HTR4: variants seen among roughly 807,000 people sequenced by gnomAD.
HTR4 encodes 5-hydroxytryptamine receptor 4, also known as 5-hydroxytryptamine (serotonin) receptor 4, G protein-coupled.
Under a neutral mutation model 36.8 loss-of-function variants are expected in HTR4, and 16 were observed. The ratio of observed to expected loss-of-function variants is 0.43; its 90% CI spans 0.29 to 0.66. The LOEUF (loss-of-function observed/expected upper bound fraction) is 0.66, where lower values mean the gene tolerates loss of function less well. HTR4 is among the 30% of genes least tolerant of loss of function. HTR4 has a pLI of 0.13. For synonymous variants in HTR4, 189 were observed against 185.1 expected (o/e 1.02, Z -0.17); for missense variants, 438 against 490.9 (o/e 0.89, Z 1.02).
At chr5:148,536,994 C>A (rs1400253770) in intron 4 of HTR4, among the ~76,000 whole-genome samples, 2 of 152,142 alleles carry the variant, frequency 1.3e-5, no homozygotes, top group Non-Finnish European at 2.9e-5. Flanking sequence ...GGACATAAAA[C>A]AATCCTCAAC....
At position 148,510,024 on chromosome 5, in the gene HTR4, T is replaced by C. The variant is rs1223285956; in HGVS notation, c.508A>G (p.Ile170Val). Reference sequence around the variant, plus strand: ...TTCTGGTTGAACTTCCTCTTTTCTATCTGAGAGTTGGAGGGAGAGAGGAAA... The same window carrying C: ...TTCTGGTTGAACTTCCTCTTTTCTACCTGAGAGTTGGAGGGAGAGAGGAAA... ...GWNNIGIIDL[I>V]EKRKFNQNSN... Residue 170 changes from isoleucine to valine, a missense_variant and splice_region_variant, in exon 6 of 7, where the codon ATA becomes GTA. By Grantham distance (29) the Ile-to-Val change is conservative. Transcript: ENST00000377888. The C allele has an allele frequency of 1.2e-6, 2 of 1,601,838 alleles. No homozygotes were observed. The highest frequency in any genetic ancestry group is 1.7e-5 in the Admixed American group (1 of 59,374).
At chr5:148,618,390 A>T (rs562409461) in intron 2 of HTR4, among the ~76,000 whole-genome samples, 1 of 152,278 alleles carries the variant, frequency 6.6e-6, no homozygotes. Flanking sequence ...CTCTTCTCCA[A>T]CCAGGCTCAG....
chr5:148,554,377 G>T (rs1361172589), intron 2 of HTR4, among the ~76,000 whole-genome samples: 1 of 152,028 alleles, frequency 6.6e-6, no homozygotes, highest in Non-Finnish European at 1.5e-5. Context: ...GCCCGGCCAG[G>T]AATGAAGTTT....
intron 5 of HTR4, among the ~76,000 whole-genome samples, chr5:148,519,011 A>AT (rs576256377): frequency 6.6e-6 from 1 of 151,860 alleles, no homozygotes; most frequent in South Asian, 2.1e-4. Context: ...ATGAACTGAA[A>AT]TTTTTTTTAC....
chr5:148,505,696 T>C lies in HTR4; in HGVS notation c.1076+3760A>G, dbSNP rs1054080754. On this transcript the variant is annotated intron_variant, in intron 6 of 6. Coordinates refer to ENST00000377888, the MANE Select transcript of HTR4 (RefSeq NM_000870.7). ...AAAGTCTCAGGATACAAAATCAATGTGCAAAAATCACAAGCATTCTTATAC... is the reference window on the plus strand; with the variant it reads ...AAAGTCTCAGGATACAAAATCAATGCGCAAAAATCACAAGCATTCTTATAC... Among the ~76,000 whole-genome samples the C allele has an allele frequency of 1.1e-4, 17 of 152,160 alleles. 1 individual carries two copies. Among genetic ancestry groups the C allele is most frequent in the Admixed American group, 1.1e-3 (17 of 15,280 alleles).
At chr5:148,632,879 T>C (rs1753373693) in intron 2 of HTR4, among the ~76,000 whole-genome samples, 1 of 152,108 alleles carries the variant, frequency 6.6e-6, no homozygotes. Flanking sequence ...GCATTAAGTG[T>C]TTTAGGGCTG....
intron 4 of HTR4, among the ~76,000 whole-genome samples, chr5:148,524,913 A>G (rs1229561517): frequency 1.3e-5 from 2 of 152,146 alleles, no homozygotes; most frequent in Non-Finnish European, 2.9e-5. Context: ...CCCGTGTTGG[A>G]GCACGAGGAG....
chr5:148,590,050 A>G (rs1488384484), intron 2 of HTR4, among the ~76,000 whole-genome samples: 3 of 152,086 alleles, frequency 2.0e-5, no homozygotes, highest in Non-Finnish European at 4.4e-5. Flanking sequence ...CTCTGCTTCT[A>G]TGAGTTTAAC....
chr5:148,638,999 A>T (rs535469693), intron 1 of HTR4, among the ~76,000 whole-genome samples: 140 of 152,156 alleles, frequency 9.2e-4, no homozygotes, highest in African/African-American at 3.1e-3. Flanking sequence ...GTGAGCCAAG[A>T]TCACGCTACT....
At chr5:148,566,221 T>TA (rs1760434161) in intron 2 of HTR4, among the ~76,000 whole-genome samples, 1 of 152,146 alleles carries the variant, frequency 6.6e-6, no homozygotes, top group Non-Finnish European at 1.5e-5. Flanking sequence ...CATCCAAAGT[T>TA]AAAAGCAGGT....
rs529656321 is a variant in HTR4, at chr5:148,597,375, G to A, written c.26+39614C>T. ...CAGGGTCTTTTCCAAAGGGCAGTGA[G>A]GGTAATGTGTTTAAAATGCCATACA... On this transcript the variant is annotated intron_variant, in intron 2 of 6. Transcript: ENST00000377888. 1.3e-3 allele frequency among the ~76,000 whole-genome samples: 194 copies of A among 152,288 alleles called. 2 individuals carry two copies. Among genetic ancestry groups the A allele is most frequent in the East Asian group, 2.3e-3 (12 of 5,186 alleles).
downstream of HTR4, among the ~76,000 whole-genome samples, chr5:148,479,257 G>A (rs1328263836): frequency 3.3e-5 from 5 of 151,870 alleles, no homozygotes; most frequent in Non-Finnish European, 4.4e-5. Flanking sequence ...CTAGGGGCCC[G>A]GGGCTACTAG....
chr5:148,485,846 G>C (rs1019777272), intron 6 of HTR4, among the ~76,000 whole-genome samples: 1 of 152,198 alleles, frequency 6.6e-6, no homozygotes, highest in African/African-American at 2.4e-5. Flanking sequence ...CATGTGGAAG[G>C]CTCCAGAGCA....
intron 5 of HTR4, among the ~76,000 whole-genome samples, chr5:148,519,057 C>G (rs572848188): frequency 6.6e-6 from 1 of 152,180 alleles, no homozygotes; most frequent in East Asian, 1.9e-4. Flanking sequence ...ACATAGTGGG[C>G]ATTCAATTAT....
intron 4 of HTR4, among the ~76,000 whole-genome samples, chr5:148,538,851 C>A (rs1291201425): frequency 6.6e-6 from 1 of 152,106 alleles, no homozygotes; most frequent in Non-Finnish European, 1.5e-5. Flanking sequence ...CAAAAACATT[C>A]TTTGCAGAAG....
chr5:148,476,744 A>G, downstream of HTR4: 2 of 1,613,638 alleles, frequency 1.2e-6, no homozygotes, highest in Non-Finnish European at 8.5e-7. Flanking sequence ...GGAGCTCAAA[A>G]TCTGGTAGGA....
intron 6 of HTR4, among the ~76,000 whole-genome samples, 178 bp from the exon 7 acceptor site, chr5:148,483,471 A>G (rs9325101): frequency 0.19 from 28,717 of 152,132 alleles, 7,413 homozygotes; most frequent in African/African-American, 0.58. Context: ...GGCAATAATA[A>G]CTATTAGAAA....
intron 2 of HTR4, among the ~76,000 whole-genome samples, chr5:148,618,010 T>C (rs1198055505): frequency 6.6e-6 from 1 of 152,078 alleles, no homozygotes; most frequent in Non-Finnish European, 1.5e-5. Flanking sequence ...AACAGCTTCA[T>C]TCCTGGGCCA....
chr5:148,576,110 CAAAAAA>C (rs781780161), intron 2 of HTR4, among the ~76,000 whole-genome samples: 39 of 32,710 alleles, frequency 1.2e-3, no homozygotes, highest in Admixed American at 8.3e-3. Context: ...GACTCCGTCT[CAAAAAA>C]AAAAAAAAAA....
Sources: allele counts gnomAD v4.1 joint callset (sites outside exome capture counted in the v4.1 genomes callset), GRCh38; gene constraint gnomAD v4.1.1; transcripts MANE v1.5; gene names NCBI Gene and HGNC (gene_info 2026-07-23, HGNC 2026-07-21).